The following RBFOX1 variants were observed in gnomAD, a reference collection of about 807,000 sequenced individuals.
RBFOX1 encodes RNA binding fox-1 homolog 1, also known as RNA binding protein fox-1 homolog 1.
A neutral mutation model predicts 57.7 loss-of-function variants in RBFOX1; 8 were observed. The observed-to-expected ratio is 0.14, with a 90% CI of 0.08 to 0.25. The LOEUF (loss-of-function observed/expected upper bound fraction) is 0.25. RBFOX1 is among the 10% of genes least tolerant of loss of function. The pLI is 1.00. For synonymous variants in RBFOX1, 326 were observed against 222.4 expected (o/e 1.47, Z -4.15); for missense variants, 611 against 548.5 (o/e 1.11, Z -1.14).
chr16:5,449,789 G>A (rs1486662569), intron 1 of RBFOX1, among the ~76,000 whole-genome samples: 2 of 151,866 alleles, frequency 1.3e-5, no homozygotes, highest in African/African-American at 2.4e-5. Flanking sequence ...TTTATTTTTT[G>A]TAGAGACAGA....
At chr16:5,337,066 T>C (rs1204568436) in intron 1 of RBFOX1, among the ~76,000 whole-genome samples, 2 of 152,052 alleles carry the variant, frequency 1.3e-5, no homozygotes, top group African/African-American at 4.8e-5. Flanking sequence ...TCTAAGTGGG[T>C]GAGGAGCAGA....
At chr16:6,078,649 C>T (rs1270900629) in intron 1 of RBFOX1, among the ~76,000 whole-genome samples, 1 of 149,108 alleles carries the variant, frequency 6.7e-6, no homozygotes, top group Non-Finnish European at 1.5e-5. Flanking sequence ...CATAAGATTG[C>T]TGTGAGGAGG....
At chr16:5,442,436 G>A (rs2068112509) in intron 1 of RBFOX1, among the ~76,000 whole-genome samples, 1 of 152,214 alleles carries the variant, frequency 6.6e-6, no homozygotes, top group Non-Finnish European at 1.5e-5. Context: ...GTCCACTGTG[G>A]TTGCTATGGG....
chr16:6,060,122 G>GTTTTTTGTTGTTTTTTTTTTTTTTTTTTT, intron 1 of RBFOX1, among the ~76,000 whole-genome samples: 1 of 114,210 alleles, frequency 8.8e-6, no homozygotes, highest in East Asian at 2.6e-4. Context: ...TAGGATTAGG[G>GTTTTTTGTTGTTTTTTTTTTTTTTTTTTT]TTTTTTTTTT....
At chr16:6,001,829 C>T (rs1178006425) in intron 4 of RBFOX1, among the ~76,000 whole-genome samples, 1 of 152,102 alleles carries the variant, frequency 6.6e-6, no homozygotes, top group Non-Finnish European at 1.5e-5. Flanking sequence ...CTGCAATAAG[C>T]CAAACTGGAA....
At chr16:6,559,375 TG>T (rs1246390268) in intron 2 of RBFOX1, among the ~76,000 whole-genome samples, 3 of 152,070 alleles carry the variant, frequency 2.0e-5, no homozygotes, top group Non-Finnish European at 4.4e-5. Context: ...CACACACGTA[TG>T]TATACATATA....
chr16:6,383,772 A>G (rs557573010), intron 2 of RBFOX1, among the ~76,000 whole-genome samples: 1 of 137,798 alleles, frequency 7.3e-6, no homozygotes, highest in African/African-American at 3.2e-5. Flanking sequence ...TTTATCTTGG[A>G]AAAAAAAAAA....
At chr16:6,239,789 G>T (rs549345424) in intron 1 of RBFOX1, among the ~76,000 whole-genome samples, 1 of 152,070 alleles carries the variant, frequency 6.6e-6, no homozygotes, top group Non-Finnish European at 1.5e-5. Flanking sequence ...GAGCCACCAT[G>T]CCCAGCCTCC....
At chr16:6,906,229 G>A (rs61497565) in intron 3 of RBFOX1, among the ~76,000 whole-genome samples, 5 of 142,532 alleles carry the variant, frequency 3.5e-5, no homozygotes, top group Admixed American at 6.8e-5. Flanking sequence ...ACCCCAAAAA[G>A]CAATTTATTA....
intron 4 of RBFOX1, among the ~76,000 whole-genome samples, chr16:5,884,453 C>CCG (rs1567668339): frequency 2.1e-5 from 3 of 144,358 alleles, no homozygotes; most frequent in African/African-American, 5.2e-5. Flanking sequence ...CCCCGCCCCC[C>CCG]GCTCCCCACC....
chr16:7,273,331 G>C (rs550865402), intron 4 of RBFOX1, among the ~76,000 whole-genome samples: 1 of 150,372 alleles, frequency 6.7e-6, no homozygotes, highest in Non-Finnish European at 1.5e-5. Context: ...ACTCTCTGCT[G>C]TGTCTTTAGG....
At chr16:6,845,383 C>A (rs7205797) in intron 3 of RBFOX1, among the ~76,000 whole-genome samples, 116,997 of 151,908 alleles carry the variant, frequency 0.77, 45,825 homozygotes, top group African/African-American at 0.91. Flanking sequence ...GGTCCAGTTT[C>A]AATTTTCTGT....
At chr16:6,984,253 T>G (rs1270037549) in intron 3 of RBFOX1, among the ~76,000 whole-genome samples, 1 of 151,950 alleles carries the variant, frequency 6.6e-6, no homozygotes, top group Admixed American at 6.6e-5. Context: ...ATCTTAAACA[T>G]AAAATAAAAT....
intron 2 of RBFOX1, among the ~76,000 whole-genome samples, chr16:5,582,714 G>A (rs530438121): frequency 3.9e-5 from 6 of 151,988 alleles, no homozygotes; most frequent in Non-Finnish European, 7.4e-5. Flanking sequence ...TCACACCCAC[G>A]CTCGGCTAAT....
intron 1 of RBFOX1, among the ~76,000 whole-genome samples, chr16:5,454,755 TTTTCTTTCTTTCTC>T (rs1555523988): frequency 3.2e-5 from 2 of 62,880 alleles, no homozygotes; most frequent in Admixed American, 1.6e-4. Flanking sequence ...TTTTCTTTTC[TTTTCTTTCTTTCTC>T]TTTCTTTCTT....
At chr16:5,769,691 A>T (rs1477981727) in intron 3 of RBFOX1, among the ~76,000 whole-genome samples, 1 of 152,072 alleles carries the variant, frequency 6.6e-6, no homozygotes, top group African/African-American at 2.4e-5. Flanking sequence ...CAAATACAGG[A>T]GGAAGATCAC....
chr16:5,888,801 A>G (rs1445071408), intron 4 of RBFOX1, among the ~76,000 whole-genome samples: 2 of 4,090 alleles, frequency 4.9e-4, no homozygotes, highest in African/African-American at 1.1e-3. Context: ...CAGTCTAAAA[A>G]AAAAAAAAAA....
chr16:5,268,406 C>A (rs567148868), intron 1 of RBFOX1, among the ~76,000 whole-genome samples: 1 of 152,188 alleles, frequency 6.6e-6, no homozygotes, highest in African/African-American at 2.4e-5. Context: ...ACAGGAAAGT[C>A]AGTTCTTAGT....
In RBFOX1 at chr16:6,181,925, C is replaced by T. The variant is rs1205008384; in HGVS notation, c.-126-135070C>T. ...TGCAACATTTTGGCTCAGTTTCCATCGATGGGGATGCCGAGATCATTGGCA... is the reference window on the plus strand; with the variant it reads ...TGCAACATTTTGGCTCAGTTTCCATTGATGGGGATGCCGAGATCATTGGCA... On this transcript the variant is annotated intron_variant, in intron 1 of 15. Transcript: ENST00000550418. 7.0e-4 allele frequency among the ~76,000 whole-genome samples: 12 copies of T among 17,062 alleles called. No individual in the cohort carries two copies. In the East Asian group the frequency reaches 0.057, roughly 81 times the overall value. 11.2% of individuals were successfully genotyped at this position (17,062 alleles called of 152,430 possible).
Sources: allele counts gnomAD v4.1 joint callset (sites outside exome capture counted in the v4.1 genomes callset), GRCh38; gene constraint gnomAD v4.1.1; transcripts MANE v1.5; gene names NCBI Gene and HGNC (gene_info 2026-07-23, HGNC 2026-07-21).